SCN11A: variants seen among roughly 807,000 people sequenced by gnomAD.
SCN11A encodes sodium voltage-gated channel alpha subunit 11.
Under a neutral mutation model 162.2 loss-of-function variants are expected in SCN11A, and 122 were observed. That is an observed-to-expected ratio of 0.75 (90% CI 0.65 to 0.87). SCN11A has a LOEUF of 0.87. Among genes scored for constraint, SCN11A ranks in the 40% least tolerant of loss-of-function variants. SCN11A has a pLI of 0.00. For missense variants in SCN11A, 2,015 were observed against 2,181.6 expected, an observed-to-expected ratio of 0.92 and a Z score of 1.52; for synonymous variants, 758 against 751.5, an observed-to-expected ratio of 1.01 and a Z score of -0.14.
At chr3:39,047,895 A>G (rs1050376703) in intron 1 of SCN11A, among the ~76,000 whole-genome samples, 2 of 152,206 alleles carry the variant, frequency 1.3e-5, no homozygotes, top group African/African-American at 4.8e-5. Context: ...GTGAGGATGC[A>G]GAGAAAAGGG....
intron 7 of SCN11A, among the ~76,000 whole-genome samples, chr3:38,931,690 C>G (rs2066242756): frequency 6.6e-6 from 1 of 152,176 alleles, no homozygotes; most frequent in Admixed American, 6.5e-5. Context: ...GTTGTATTCC[C>G]TAATAAGTGC....
intron 19 of SCN11A, among the ~76,000 whole-genome samples, chr3:38,888,283 C>T (rs1439235578): frequency 6.6e-6 from 1 of 152,210 alleles, no homozygotes; most frequent in Non-Finnish European, 1.5e-5. Flanking sequence ...TGCAATATGA[C>T]TTGTATCATT....
chr3:39,022,980 G>A (rs2031490625), intron 2 of SCN11A, among the ~76,000 whole-genome samples: 1 of 152,142 alleles, frequency 6.6e-6, no homozygotes, highest in Non-Finnish European at 1.5e-5. Context: ...ATGAAGTTAA[G>A]GAATTACTGT....
At chr3:38,866,401 G>A (rs1286627657) in intron 27 of SCN11A, among the ~76,000 whole-genome samples, 2 of 152,066 alleles carry the variant, frequency 1.3e-5, no homozygotes, top group African/African-American at 4.8e-5. Flanking sequence ...TGTATTTTTA[G>A]TAGAGACTGG....
At chr3:38,957,439 G>C (rs4676580) in intron 3 of SCN11A, among the ~76,000 whole-genome samples, 21 of 152,118 alleles carry the variant, frequency 1.4e-4, no homozygotes, top group African/African-American at 4.6e-4. Flanking sequence ...TATCAAGCAC[G>C]ACAGGCTCCC....
intron 29 of SCN11A, among the ~76,000 whole-genome samples, chr3:38,848,468 A>G (rs534050159): frequency 2.0e-5 from 3 of 152,252 alleles, no homozygotes; most frequent in African/African-American, 7.2e-5. Context: ...CTAGGGGTCT[A>G]TTAGGGTTCA....
intron 2 of SCN11A, among the ~76,000 whole-genome samples, chr3:39,028,519 C>A (rs750189704): frequency 6.6e-6 from 1 of 152,170 alleles, no homozygotes; most frequent in Non-Finnish European, 1.5e-5. Context: ...CATGCCATAC[C>A]ATTCTTTAAC....
intron 2 of SCN11A, among the ~76,000 whole-genome samples, chr3:39,028,369 C>G (rs546755762): frequency 6.6e-6 from 1 of 152,296 alleles, no homozygotes; most frequent in African/African-American, 2.4e-5. Flanking sequence ...CTGTTAATAT[C>G]CTTAAACCTG....
intron 16 of SCN11A, 99 bp from the exon 17 acceptor site, chr3:38,900,172 TA>T (rs2126121241): frequency 1.1e-6 from 1 of 880,464 alleles, no homozygotes; most frequent in South Asian, 1.7e-5. Context: ...AAATGAAAAG[TA>T]TTCTCATGAT....
intron 16 of SCN11A, among the ~76,000 whole-genome samples, chr3:38,900,745 A>G (rs1014451529): frequency 3.9e-5 from 6 of 152,186 alleles, no homozygotes; most frequent in Non-Finnish European, 5.9e-5. Flanking sequence ...TTCAGAATGC[A>G]GGGCTCACAT....
At position 38,910,054 on chromosome 3, in the gene SCN11A, T is replaced by C; in HGVS notation, c.1101+12A>G. ...AGGGAGAGAGGAAAAAGAGAGACTA[T>C]AAATAGATAACCTGTTGATAAAGCT... On this transcript the variant is annotated intron_variant, in intron 12 of 29. Transcript: ENST00000302328. 1.9e-6 allele frequency: 3 copies of C among 1,612,822 alleles called. No individual in the cohort carries two copies. In the South Asian group the frequency reaches 3.3e-5, roughly 18 times the overall value.
At chr3:38,928,537 T>A (rs2066179986) in intron 7 of SCN11A, among the ~76,000 whole-genome samples, 1 of 151,864 alleles carries the variant, frequency 6.6e-6, no homozygotes, top group Admixed American at 6.6e-5. Context: ...TACAGTAAAA[T>A]AAAATTAAAT....
chr3:38,940,256 A>C (rs2066421546), intron 7 of SCN11A, among the ~76,000 whole-genome samples: 5 of 152,178 alleles, frequency 3.3e-5, no homozygotes, highest in Admixed American at 3.3e-4. Context: ...AATGAAAAAT[A>C]TGTCATGTTC....
chr3:38,988,855 C>T (rs187326321), intron 2 of SCN11A, among the ~76,000 whole-genome samples: 3 of 152,260 alleles, frequency 2.0e-5, no homozygotes, highest in Non-Finnish European at 4.4e-5. Context: ...CTGCTGACTC[C>T]TACTACAACT....
rs1331346633 is a variant in SCN11A, at chr3:38,883,506, T to C, written c.3065-119A>G. On this transcript the variant is annotated intron_variant, in intron 21 of 29. Transcript: ENST00000302328. ...CCATGCGACCTGCAGTTGCTCCCAT[T>C]AAAGAAGTAGAGCATCTTTTTCTAA... is the stretch of plus-strand genomic sequence containing the variant. The C allele has an allele frequency of 1.6e-5, 14 of 878,120 alleles. 1 individual carries two copies. In the Admixed American group the frequency reaches 3.2e-4, roughly 20 times the overall value. 54.4% of individuals were successfully genotyped at this position (878,120 alleles called of 1,614,324 possible). A position where few individuals can be genotyped will look rare whatever the true frequency, so the allele number is the denominator to read the frequency against.
At chr3:38,856,911 C>T (rs2126084680) in intron 28 of SCN11A, among the ~76,000 whole-genome samples, 2 of 152,200 alleles carry the variant, frequency 1.3e-5, no homozygotes, top group Admixed American at 1.3e-4. Context: ...AGAGTCTTTA[C>T]TCCTACAAGC....
At chr3:38,863,361 T>C in intron 27 of SCN11A, 62 bp from the exon 28 acceptor site, 1 of 810,724 alleles carries the variant, frequency 1.2e-6, no homozygotes, top group Admixed American at 2.4e-5. Context: ...TAGTTCTGAA[T>C]TTTTTGACAC....
At chr3:39,019,949 A>G (rs1207790775) in intron 2 of SCN11A, among the ~76,000 whole-genome samples, 1 of 152,188 alleles carries the variant, frequency 6.6e-6, no homozygotes, top group East Asian at 1.9e-4. Flanking sequence ...GTTTTTCCAC[A>G]TTATGAGTAA....
chr3:38,999,580 A>G (rs1403033901), intron 2 of SCN11A, among the ~76,000 whole-genome samples: 2 of 152,182 alleles, frequency 1.3e-5, no homozygotes, highest in African/African-American at 4.8e-5. Flanking sequence ...AGGCATTCTA[A>G]TAATTATTCC....
Sources: gnomAD v4.1 joint callset for allele counts (sites outside exome capture counted in the v4.1 genomes callset) on GRCh38, gnomAD v4.1.1 for gene constraint, MANE v1.5 for transcripts, NCBI Gene and HGNC (gene_info 2026-07-23, HGNC 2026-07-21) for gene names.